CCDC73: variants seen among roughly 807,000 people sequenced by gnomAD.
The protein encoded by CCDC73 is coiled-coil domain containing 73, also known as coiled-coil domain-containing protein 73.
In CCDC73, 95 loss-of-function variants were observed where a neutral mutation model predicts 116.5. The ratio of observed to expected loss-of-function variants is 0.82; its 90% CI spans 0.69 to 0.97. The LOEUF (loss-of-function observed/expected upper bound fraction) is 0.97. Ranked by LOEUF, CCDC73 falls within the 50% of genes least tolerant of loss-of-function variation. The pLI is 0.00. For missense variants in CCDC73, 1,066 were observed against 1,206.8 expected (o/e 0.88, Z 1.73); for synonymous variants, 398 against 401.3 (o/e 0.99, Z 0.10).
intron 12 of CCDC73, among the ~76,000 whole-genome samples, chr11:32,651,065 A>G (rs1855821982): frequency 1.3e-5 from 2 of 151,994 alleles, no homozygotes; most frequent in Non-Finnish European, 1.5e-5. Context: ...TCATCACACA[A>G]CTCAGCATGA....
chr11:32,811,430 T>C, the CCDC73 span, among the ~76,000 whole-genome samples: 3 of 152,238 alleles, frequency 2.0e-5, no homozygotes, highest in Non-Finnish European at 4.4e-5. Context: ...TATACATTGA[T>C]GCATACTGCC....
At chr11:32,654,727 C>A in intron 10 of CCDC73, 117 bp downstream of exon 10, 1 of 743,476 alleles carries the variant, frequency 1.3e-6, no homozygotes, top group Non-Finnish European at 2.0e-6. Flanking sequence ...TTAATAATAC[C>A]TTTAACTATG....
intron 14 of CCDC73, among the ~76,000 whole-genome samples, chr11:32,626,640 T>G (rs1242258585): frequency 1.3e-5 from 2 of 151,992 alleles, no homozygotes; most frequent in Admixed American, 6.6e-5. Context: ...TATAGACCAA[T>G]GGAACAGAAC....
At chr11:32,653,857 G>GTA in intron 11 of CCDC73, 121 bp downstream of exon 11, 1 of 1,115,774 alleles carries the variant, frequency 9.0e-7, no homozygotes. Context: ...GTATACACAT[G>GTA]TACATTTAAT....
intron 6 of CCDC73, among the ~76,000 whole-genome samples, chr11:32,686,223 A>AC (rs1303804927): frequency 6.6e-6 from 1 of 150,886 alleles, no homozygotes; most frequent in Non-Finnish European, 1.5e-5. Context: ...AAAAAAAAAA[A>AC]AAAAAAAACC....
chr11:32,638,521 G>A (rs1029190961), intron 13 of CCDC73, among the ~76,000 whole-genome samples: 14 of 151,586 alleles, frequency 9.2e-5, no homozygotes, highest in African/African-American at 3.2e-4. Context: ...TTGTTCTCTC[G>A]CCAGGCTGGA....
chr11:32,683,110 A>G, intron 7 of CCDC73: 1 of 188,888 alleles, frequency 5.3e-6, no homozygotes, highest in South Asian at 9.2e-5. Flanking sequence ...CTAATCAGAA[A>G]TGCTGGGACC....
At chr11:32,615,775 G>A in intron 15 of CCDC73, 165 bp downstream of exon 15, 1 of 608,818 alleles carries the variant, frequency 1.6e-6, no homozygotes, top group South Asian at 2.3e-5. Flanking sequence ...AAGGTTACTG[G>A]TGACTCCAAG....
At chr11:32,644,822 C>A (rs775764239) in intron 12 of CCDC73, among the ~76,000 whole-genome samples, 2 of 152,196 alleles carry the variant, frequency 1.3e-5, no homozygotes, top group Middle Eastern at 3.4e-3. Context: ...TTGTAGAATG[C>A]CCTATAAATG....
At chr11:32,625,767 C>A (rs978737786) in intron 14 of CCDC73, among the ~76,000 whole-genome samples, 1 of 151,938 alleles carries the variant, frequency 6.6e-6, no homozygotes, top group African/African-American at 2.4e-5. Context: ...AGGCCTTTGA[C>A]AAAATTCAAC....
Position 32,698,050 on chromosome 11 carries a change from A to C in CCDC73, c.390+1201T>G, listed in dbSNP as rs538200677. 4.6e-3 allele frequency among the ~76,000 whole-genome samples: 507 copies of C among 111,186 alleles called. 4 individuals carry two copies. The highest frequency in any genetic ancestry group is 0.014 in the South Asian group (47 of 3,378). The allele number at this position is 111,186 out of a possible 152,430, so 72.9% of individuals were successfully genotyped here. ...TTTTTTTTTTTTTTTTTTGAGACGG[A>C]GTCTCACTCTGTCGCCCAGGCTGGA... On this transcript the variant is annotated intron_variant, in intron 6 of 17. Coordinates refer to ENST00000335185, the MANE Select transcript of CCDC73 (RefSeq NM_001008391.4).
chr11:32,757,137 CACA>C (rs1482489244), intron 2 of CCDC73, among the ~76,000 whole-genome samples: 4 of 151,636 alleles, frequency 2.6e-5, no homozygotes, highest in Non-Finnish European at 5.9e-5. Flanking sequence ...TACAAACACA[CACA>C]ACAAGAATAA....
intron 2 of CCDC73, among the ~76,000 whole-genome samples, chr11:32,749,530 T>G (rs1396096626): frequency 1.3e-5 from 2 of 152,098 alleles, no homozygotes; most frequent in Non-Finnish European, 1.5e-5. Flanking sequence ...TGTTGCCTTA[T>G]TAGTTTGTTT....
intron 1 of CCDC73, among the ~76,000 whole-genome samples, chr11:32,793,827 T>C (rs1590651370): frequency 6.6e-6 from 1 of 152,000 alleles, no homozygotes; most frequent in South Asian, 2.1e-4. Context: ...ACCAGGCTGG[T>C]CTCAAACTCC....
chr11:32,620,597 C>A (rs778392011), intron 14 of CCDC73, among the ~76,000 whole-genome samples: 2 of 108,752 alleles, frequency 1.8e-5, no homozygotes, highest in Non-Finnish European at 3.4e-5. Context: ...GGCCACAGAG[C>A]GAGACTCAGT....
At chr11:32,666,058 G>C (rs1855978055) in intron 9 of CCDC73, among the ~76,000 whole-genome samples, 1 of 152,110 alleles carries the variant, frequency 6.6e-6, no homozygotes, top group Non-Finnish European at 1.5e-5. Context: ...TCCCTTTGTG[G>C]GTAACCTGAT....
upstream of CCDC73, among the ~76,000 whole-genome samples, chr11:32,796,287 A>G (rs533630654): frequency 6.6e-6 from 1 of 152,380 alleles, no homozygotes; most frequent in East Asian, 1.9e-4. Flanking sequence ...AATGCCTGGC[A>G]TGTAAATGCC....
chr11:32,679,725 T>C (rs1243918792), intron 7 of CCDC73: 1 of 152,192 alleles, frequency 6.6e-6, no homozygotes, highest in East Asian at 1.9e-4. Flanking sequence ...ATTAGAATAC[T>C]CTCTACTGCA....
At chr11:32,704,986 A>G (rs992594126) in intron 3 of CCDC73, among the ~76,000 whole-genome samples, 7 of 152,202 alleles carry the variant, frequency 4.6e-5, no homozygotes, top group African/African-American at 1.7e-4. Flanking sequence ...ACAAGAACTC[A>G]GAACCCACCA....
Sources: allele counts gnomAD v4.1 joint callset (sites outside exome capture counted in the v4.1 genomes callset), GRCh38; gene constraint gnomAD v4.1.1; transcripts MANE v1.5; gene names NCBI Gene and HGNC (gene_info 2026-07-23, HGNC 2026-07-21).